Variants in BTG4 observed in about 807,000 individuals in gnomAD.
BTG4 encodes BTG anti-proliferation factor 4.
BTG4 carries 10 observed loss-of-function variants against 19.3 expected under a neutral mutation model. That is an observed-to-expected ratio of 0.52 (90% CI 0.32 to 0.88). The LOEUF (loss-of-function observed/expected upper bound fraction) is 0.88, where lower values mean the gene tolerates loss of function less well. Ranked by LOEUF, BTG4 falls within the 40% of genes least tolerant of loss-of-function variation. The probability of loss-of-function intolerance (pLI) is 0.04; values close to 1 mark genes in which losing one functional copy is unlikely to be tolerated. For synonymous variants in BTG4, 91 were observed against 95.7 expected, an observed-to-expected ratio of 0.95 and a Z score of 0.29; for missense variants, 238 against 281.9, an observed-to-expected ratio of 0.84 and a Z score of 1.11.
chr11:111,495,360 A>C, intron 4 of BTG4, 46 bp from the exon 5 acceptor site: 4 of 1,501,142 alleles, frequency 2.7e-6, no homozygotes, highest in Non-Finnish European at 3.7e-6. Context: ...AGCTGTAAGG[A>C]CTAAATATGA....
At chr11:111,421,524 C>G in the BTG4 span, among the ~76,000 whole-genome samples, 1 of 152,210 alleles carries the variant, frequency 6.6e-6, no homozygotes, top group Non-Finnish European at 1.5e-5. Context: ...TACCAATTAA[C>G]TGATGTCTGC....
the BTG4 span, among the ~76,000 whole-genome samples, chr11:111,400,107 A>T: frequency 6.6e-6 from 1 of 152,126 alleles, no homozygotes. Flanking sequence ...AAGAACCCTG[A>T]GAAGCAGGAG....
chr11:111,452,640 G>A, the BTG4 span: 2 of 152,218 alleles, frequency 1.3e-5, no homozygotes, highest in African/African-American at 4.8e-5. Context: ...CCCTATAAGT[G>A]GGTCTTCCAT....
chr11:111,412,966 T>A, the BTG4 span, among the ~76,000 whole-genome samples: 10 of 152,198 alleles, frequency 6.6e-5, no homozygotes. Context: ...AAGAGAGTCT[T>A]GTGACACTAG....
At chr11:111,486,857 G>A (rs568698066) in intron 5 of BTG4, among the ~76,000 whole-genome samples, 42 of 152,132 alleles carry the variant, frequency 2.8e-4, no homozygotes, top group South Asian at 4.2e-4. Flanking sequence ...TGTGCAGGAC[G>A]TGCAGGTTTG....
At chr11:111,438,674 A>G in the BTG4 span, among the ~76,000 whole-genome samples, 5 of 152,340 alleles carry the variant, frequency 3.3e-5, no homozygotes, top group Admixed American at 6.5e-5. Flanking sequence ...TTCTGGATCA[A>G]TAAACTCAGG....
upstream of BTG4, chr11:111,513,376 A>G (rs1235499142): frequency 5.6e-6 from 3 of 533,026 alleles, no homozygotes; most frequent in African/African-American, 5.8e-5. Flanking sequence ...CAACTCAACC[A>G]ATGAATTGCC....
chr11:111,497,944 T>C, intron 3 of BTG4, 54 bp downstream of exon 3: 2 of 1,575,902 alleles, frequency 1.3e-6, no homozygotes, highest in Middle Eastern at 1.7e-4. Flanking sequence ...TGTAAAGTTG[T>C]CTAACTTAAG....
the BTG4 span, among the ~76,000 whole-genome samples, chr11:111,432,208 G>C: frequency 6.6e-6 from 1 of 152,206 alleles, no homozygotes; most frequent in African/African-American, 2.4e-5. Flanking sequence ...AGAGAATGCT[G>C]ATAGGCAGGG....
the BTG4 span, chr11:111,455,702 C>A: frequency 2.4e-6 from 1 of 413,698 alleles, no homozygotes; most frequent in Non-Finnish European, 5.1e-6. Flanking sequence ...GGTCCCGGAA[C>A]TGGCCAAAAC....
chr11:111,502,528 A>G (rs1309994594), intron 1 of BTG4, among the ~76,000 whole-genome samples: 1 of 152,158 alleles, frequency 6.6e-6, no homozygotes, highest in Non-Finnish European at 1.5e-5. Flanking sequence ...TGCAAAGATT[A>G]TTTTTTAAAA....
intron 5 of BTG4, among the ~76,000 whole-genome samples, chr11:111,476,416 C>T (rs2135553086): frequency 6.6e-6 from 1 of 151,982 alleles, no homozygotes; most frequent in East Asian, 1.9e-4. Flanking sequence ...AGATTACTTT[C>T]AAGAAAATAA....
the BTG4 span, among the ~76,000 whole-genome samples, chr11:111,448,133 G>T: frequency 6.6e-6 from 1 of 152,222 alleles, no homozygotes. Flanking sequence ...ATGCCCTCCA[G>T]AGTGCCACAT....
chr11:111,444,303 GA>G, the BTG4 span, among the ~76,000 whole-genome samples: 6 of 148,284 alleles, frequency 4.0e-5, no homozygotes, highest in African/African-American at 1.5e-4. Context: ...GAAGGCAGGG[GA>G]GGGGAGGGGA....
chr11:111,501,769 A>T (rs1326310270), intron 1 of BTG4, among the ~76,000 whole-genome samples: 1 of 152,238 alleles, frequency 6.6e-6, no homozygotes, highest in East Asian at 1.9e-4. Context: ...AAAATATTAC[A>T]TGTACCCCCA....
At chr11:111,434,006 T>C in the BTG4 span, among the ~76,000 whole-genome samples, 1 of 152,194 alleles carries the variant, frequency 6.6e-6, no homozygotes, top group African/African-American at 2.4e-5. Context: ...TCCTCAGGGA[T>C]CTAGAACTAG....
chr11:111,514,471 G>A, upstream of BTG4: 1 of 381,632 alleles, frequency 2.6e-6, no homozygotes, highest in Non-Finnish European at 4.9e-6. Flanking sequence ...ATCTTTCTGG[G>A]GGGAGGGGAG....
intron 1 of BTG4, among the ~76,000 whole-genome samples, chr11:111,505,217 T>C (rs536401299): frequency 1.3e-5 from 2 of 152,182 alleles, no homozygotes; most frequent in African/African-American, 4.8e-5. Flanking sequence ...CTTCAAATTA[T>C]ACTACAAGGC....
At chr11:111,433,370 G>A in the BTG4 span, among the ~76,000 whole-genome samples, 2 of 151,812 alleles carry the variant, frequency 1.3e-5, no homozygotes, top group South Asian at 2.1e-4. Context: ...GCTGAAACTG[G>A]ATCCCTTCCT....
Sources: allele counts gnomAD v4.1 joint callset (sites outside exome capture counted in the v4.1 genomes callset), GRCh38; gene constraint gnomAD v4.1.1; transcripts MANE v1.5; gene names NCBI Gene and HGNC (gene_info 2026-07-23, HGNC 2026-07-21).